The following RAP1GAP2 variants were observed in gnomAD, a reference collection of about 807,000 sequenced individuals.
RAP1GAP2 encodes the protein rap1 GTPase-activating protein 2.
Under a neutral mutation model 95.0 loss-of-function variants are expected in RAP1GAP2, and 27 were observed. That is an observed-to-expected ratio of 0.28 (90% CI 0.21 to 0.39). RAP1GAP2 has a LOEUF of 0.39. RAP1GAP2 is among the 10% of genes least tolerant of loss of function. The pLI is 1.00. For missense variants in RAP1GAP2, 771 were observed against 970.0 expected, an observed-to-expected ratio of 0.79 and a Z score of 2.72; for synonymous variants, 373 against 380.9, an observed-to-expected ratio of 0.98 and a Z score of 0.24.
rs967100222 is a variant in RAP1GAP2 at position 2,764,111 on chromosome 17, A to G, written c.51-6218A>G. ...TCATAATCAGAAGATATCTTAAATTAAAAAAAAAAGGTATTTACCTTTTAA... is the reference window on the plus strand; with the variant it reads ...TCATAATCAGAAGATATCTTAAATTGAAAAAAAAAGGTATTTACCTTTTAA... On this transcript the variant is annotated intron_variant, in intron 1 of 25. Coordinates refer to the RAP1GAP2 transcript ENST00000637138. 2.0e-5 allele frequency among the ~76,000 whole-genome samples: 3 copies of G among 148,904 alleles called. No individual in the cohort carries two copies. The East Asian group carries it at 5.9e-4, about 29-fold the overall frequency.
At chr17:2,971,718 C>T (rs190449296) in intron 8 of RAP1GAP2, among the ~76,000 whole-genome samples, 4 of 152,296 alleles carry the variant, frequency 2.6e-5, no homozygotes, top group East Asian at 1.9e-4. Context: ...TGAGTGCTTA[C>T]ATGTCCTGGT....
At chr17:3,012,331 C>A (rs559100304) in intron 17 of RAP1GAP2, among the ~76,000 whole-genome samples, 1 of 151,436 alleles carries the variant, frequency 6.6e-6, no homozygotes, top group African/African-American at 2.4e-5. Context: ...AAAGACTGAA[C>A]GTTTGGCTGG....
At chr17:3,016,352 G>A (rs1016463046) in intron 17 of RAP1GAP2, among the ~76,000 whole-genome samples, 2 of 152,244 alleles carry the variant, frequency 1.3e-5, no homozygotes, top group East Asian at 1.9e-4. Context: ...TTAATCCTGC[G>A]TCCCATGGAG....
At chr17:2,922,832 G>GTTTTTTT (rs1182641512) in intron 3 of RAP1GAP2, among the ~76,000 whole-genome samples, 11 of 75,072 alleles carry the variant, frequency 1.5e-4, no homozygotes, top group Middle Eastern at 8.1e-3. Context: ...TTTTGTTTTT[G>GTTTTTTT]TTTTTTTTTT....
At chr17:2,792,796 C>T (rs1011434040), upstream of RAP1GAP2, among the ~76,000 whole-genome samples, 5 of 152,350 alleles carry the variant, frequency 3.3e-5, no homozygotes, top group South Asian at 8.3e-4. Flanking sequence ...GCGGAGGCCT[C>T]GAAACGCACC....
chr17:2,818,752 C>T (rs904754941), intron 2 of RAP1GAP2, among the ~76,000 whole-genome samples: 1 of 152,130 alleles, frequency 6.6e-6, no homozygotes, highest in South Asian at 2.1e-4. Context: ...GGCGTTCTGG[C>T]GCTAGATTGC....
In RAP1GAP2 at chr17:2,878,486, G is replaced by A. The variant is rs183908908; in HGVS notation, c.81-26798G>A. The stretch of plus-strand genomic sequence containing the variant: ...GAAGCCCCTGTCTGTATGCCGTATC[G>A]CTGACTCGAAAGGTGCATCACCTAG... On this transcript the variant is annotated intron_variant, in intron 2 of 24. Transcript: ENST00000254695. 2.7e-3 allele frequency among the ~76,000 whole-genome samples: 417 copies of A among 152,246 alleles called. 2 individuals carry two copies. Among genetic ancestry groups the A allele is most frequent in the Non-Finnish European group, 4.5e-3 (309 of 67,994 alleles).
chr17:2,772,293 T>C (rs1186149092), upstream of RAP1GAP2, among the ~76,000 whole-genome samples: 2 of 152,138 alleles, frequency 1.3e-5, no homozygotes, highest in African/African-American at 4.8e-5. Flanking sequence ...TCTAATTATT[T>C]TATTTAATGT....
chr17:2,805,739 G>T (rs1184713801), intron 2 of RAP1GAP2, among the ~76,000 whole-genome samples: 2 of 133,750 alleles, frequency 1.5e-5, no homozygotes, highest in African/African-American at 5.6e-5. Flanking sequence ...CTTTGCTAAA[G>T]AAAGAGATGC....
intron 3 of RAP1GAP2, among the ~76,000 whole-genome samples, chr17:2,922,298 C>T (rs2042806377): frequency 6.6e-6 from 1 of 152,230 alleles, no homozygotes; most frequent in Non-Finnish European, 1.5e-5. Flanking sequence ...CCTTTATTAC[C>T]TGGTCACCTC....
chr17:2,864,897 G>A (rs1027163710), intron 2 of RAP1GAP2, among the ~76,000 whole-genome samples: 2 of 152,204 alleles, frequency 1.3e-5, no homozygotes, highest in African/African-American at 2.4e-5. Flanking sequence ...CAGGAATAAC[G>A]TGAGAAGGGA....
Position 3,003,172 on chromosome 17 carries a change from G to A in RAP1GAP2, c.1201-2197G>A, listed in dbSNP as rs542226729. ...TAAGGCCTGAGGCCACAGAGCCAGG[G>A]AGCTGTGGCTGAGGTCCTGTCTGGG... On this transcript the variant is annotated intron_variant, in intron 14 of 24. Transcript: ENST00000254695. The surrounding 1 kb of genome is among the most constrained non-coding windows in gnomAD (Gnocchi z 4.1). Among the ~76,000 whole-genome samples, 3 of 152,308 alleles carry A rather than the reference G, an allele frequency of 2.0e-5. No individual in the cohort carries two copies. The highest frequency in any genetic ancestry group is 7.2e-5 in the African/African-American group (3 of 41,562).
chr17:2,969,842 G>A (rs2044780905), intron 8 of RAP1GAP2, among the ~76,000 whole-genome samples: 1 of 151,814 alleles, frequency 6.6e-6, no homozygotes, highest in East Asian at 1.9e-4. Flanking sequence ...TATTTCCACA[G>A]GATTCTGTAG....
chr17:2,935,673 T>A (rs1288160024), intron 3 of RAP1GAP2, among the ~76,000 whole-genome samples: 1 of 152,142 alleles, frequency 6.6e-6, no homozygotes, highest in Non-Finnish European at 1.5e-5. Flanking sequence ...ACTGTTGCAA[T>A]GTCAAGCACG....
intron 8 of RAP1GAP2, 119 bp from the exon 9 acceptor site, chr17:2,980,168 C>G (rs763158793): frequency 3.8e-5 from 33 of 858,682 alleles, no homozygotes; most frequent in Non-Finnish European, 4.8e-5. Context: ...GTCTCGAACT[C>G]CTGACCTCAA....
intron 2 of RAP1GAP2, among the ~76,000 whole-genome samples, chr17:2,807,981 G>A (rs1047319950): frequency 6.6e-6 from 1 of 152,202 alleles, no homozygotes; most frequent in African/African-American, 2.4e-5. Flanking sequence ...CGGGAAGTTC[G>A]CACTGTTTCC....
chr17:2,950,697 G>C (rs1470097447), intron 3 of RAP1GAP2, among the ~76,000 whole-genome samples: 1 of 139,188 alleles, frequency 7.2e-6, no homozygotes, highest in Non-Finnish European at 1.5e-5. Context: ...TGCAACCTCT[G>C]CCTCCAAGGC....
intron 11 of RAP1GAP2, among the ~76,000 whole-genome samples, chr17:2,990,141 G>A (rs1165227319): frequency 6.6e-6 from 1 of 152,214 alleles, no homozygotes; most frequent in African/African-American, 2.4e-5. Context: ...CTATTCATCA[G>A]ATGGACATTT....
intron 2 of RAP1GAP2, among the ~76,000 whole-genome samples, chr17:2,876,301 C>CAAAT (rs1408874568): frequency 1.3e-5 from 2 of 152,050 alleles, no homozygotes; most frequent in African/African-American, 4.8e-5. Context: ...TATTCTGAGC[C>CAAAT]AAATAAGAGT....
Sources: gnomAD v4.1 joint callset for allele counts (sites outside exome capture counted in the v4.1 genomes callset) on GRCh38, gnomAD v4.1.1 for gene constraint, Gnocchi (gnomAD v3.1) non-coding constraint, MANE v1.5 for transcripts, NCBI Gene and HGNC (gene_info 2026-07-23, HGNC 2026-07-21) for gene names.